The following CMC1 variants were observed in gnomAD, a reference collection of about 807,000 sequenced individuals.
CMC1 encodes COX assembly mitochondrial protein homolog.
In CMC1, 14 loss-of-function variants were observed where a neutral mutation model predicts 14.1. That is an observed-to-expected ratio of 0.99 (90% confidence interval 0.66 to 1.55). The LOEUF is 1.55. CMC1 is among the 40% of genes most tolerant of loss of function. The pLI, the probability that CMC1 is intolerant of heterozygous loss-of-function variation, is 0.00. For missense variants in CMC1, 127 were observed against 123.8 expected, an observed-to-expected ratio of 1.03 and a Z score of -0.12; for synonymous variants, 50 against 38.4, an observed-to-expected ratio of 1.30 and a Z score of -1.12.
intron 2 of CMC1, among the ~76,000 whole-genome samples, chr3:28,313,581 A>G (rs1294778846): frequency 6.6e-6 from 1 of 152,240 alleles, no homozygotes; most frequent in African/African-American, 2.4e-5. Context: ...AATGAAAGAA[A>G]GGTCCTCATT....
intron 1 of CMC1, among the ~76,000 whole-genome samples, chr3:28,248,981 G>T (rs971393530): frequency 6.6e-6 from 1 of 152,072 alleles, no homozygotes; most frequent in Admixed American, 6.6e-5. Flanking sequence ...TAGTAGAGAT[G>T]GGGTTTCACT....
Position 28,324,177 on chromosome 3 carries a change from G to A in CMC1, c.*4548G>A, listed in dbSNP as rs1703292694. The A allele has an allele frequency of 6.2e-7, 1 of 1,610,726 alleles. No individual in the cohort carries two copies. Among genetic ancestry groups the A allele is most frequent in the South Asian group, 1.1e-5 (1 of 90,998 alleles). On this transcript the variant is annotated 3_prime_UTR_variant, in exon 4 of 4. Coordinates refer to ENST00000466830, the MANE Select transcript of CMC1 (RefSeq NM_182523.2). ...ATTTAGGAGGACTTGGAAATACCCA[G>A]GAATTGTCTTCCAGAGAATTTCTGC...
Position 28,253,693 on chromosome 3 carries a change from C to T in CMC1, c.20-9598C>T, listed in dbSNP as rs903157657. On this transcript the variant is annotated intron_variant, in intron 1 of 3. Transcript: ENST00000466830. ...ACTATTGCTAATGAGAACACTGTTGCAAGTTTATTACAAGCATTTTTCATG... is the reference window on the plus strand; with the variant it reads ...ACTATTGCTAATGAGAACACTGTTGTAAGTTTATTACAAGCATTTTTCATG... The T allele has an allele frequency of 7.5e-6, 9 of 1,194,754 alleles. No individual in the cohort carries two copies. The African/African-American group carries it at 1.3e-4, about 17-fold the overall frequency. The allele number at this position is 1,194,754 out of a possible 1,614,324, so 74.0% of individuals were successfully genotyped here.
At chr3:28,261,879 A>C (rs917376209) in intron 1 of CMC1, among the ~76,000 whole-genome samples, 1 of 152,060 alleles carries the variant, frequency 6.6e-6, no homozygotes, top group Non-Finnish European at 1.5e-5. Flanking sequence ...AAAATATTGT[A>C]TTTTCAATCT....
intron 1 of CMC1, among the ~76,000 whole-genome samples, chr3:28,260,580 G>A (rs1198063331): frequency 4.0e-5 from 6 of 150,474 alleles, no homozygotes; most frequent in Non-Finnish European, 8.9e-5. Context: ...TATTTGTGTG[G>A]TATTCTTTAT....
chr3:28,310,230 A>G (rs773509376), intron 2 of CMC1, among the ~76,000 whole-genome samples: 2 of 152,078 alleles, frequency 1.3e-5, no homozygotes, highest in East Asian at 1.9e-4. Flanking sequence ...GCAGGTATCA[A>G]CTCAACTGTT....
chr3:28,319,268 C>T, intron 3 of CMC1: 1 of 545,194 alleles, frequency 1.8e-6, no homozygotes, highest in South Asian at 1.5e-5. Flanking sequence ...ACCGTGGGTT[C>T]CCAGGACAGG....
intron 2 of CMC1, among the ~76,000 whole-genome samples, chr3:28,283,621 G>A (rs1169029861): frequency 6.6e-6 from 1 of 151,442 alleles, no homozygotes; most frequent in Non-Finnish European, 1.5e-5. Flanking sequence ...TGCTTTTATA[G>A]TTGTCTTTTT....
intron 2 of CMC1, among the ~76,000 whole-genome samples, chr3:28,264,576 A>G (rs971946014): frequency 2.0e-5 from 3 of 151,916 alleles, no homozygotes; most frequent in African/African-American, 4.8e-5. Context: ...TTTAACACCT[A>G]CCCCCAGATG....
chr3:28,290,386 T>C (rs1274971173), intron 2 of CMC1, among the ~76,000 whole-genome samples: 1 of 152,142 alleles, frequency 6.6e-6, no homozygotes, highest in Non-Finnish European at 1.5e-5. Flanking sequence ...GGATATAATA[T>C]TGTCAGGTCG....
At chr3:28,270,528 C>T (rs899998779) in intron 2 of CMC1, among the ~76,000 whole-genome samples, 1 of 152,002 alleles carries the variant, frequency 6.6e-6, no homozygotes, top group Non-Finnish European at 1.5e-5. Context: ...AGCTTTTTTT[C>T]ATGTTTGTTG....
chr3:28,244,534 C>T (rs1381742413), intron 1 of CMC1, among the ~76,000 whole-genome samples: 1 of 152,024 alleles, frequency 6.6e-6, no homozygotes, highest in Non-Finnish European at 1.5e-5. Context: ...TTGAGACCAC[C>T]CTGGGCAACA....
rs921706235 is a variant in CMC1 at position 28,322,533 on chromosome 3, G to A, written c.*2904G>A. 1 of 151,570 alleles carries A rather than the reference G, an allele frequency of 6.6e-6. No homozygotes were observed. The highest frequency in any genetic ancestry group is 1.5e-5 in the Non-Finnish European group (1 of 67,366). The allele number at this position is 151,570 out of a possible 1,614,324, so 9.4% of individuals were successfully genotyped here. A position where few individuals can be genotyped will look rare whatever the true frequency, so the allele number is the denominator to read the frequency against. ...AGATCAGATATAATATACAGCCTATGCAGCCACATGAGAAATAGTTTTTGC... is the reference window on the plus strand; with the variant it reads ...AGATCAGATATAATATACAGCCTATACAGCCACATGAGAAATAGTTTTTGC... On this transcript the variant is annotated 3_prime_UTR_variant, in exon 4 of 4. Coordinates refer to ENST00000466830, the MANE Select transcript of CMC1 (RefSeq NM_182523.2).
At chr3:28,242,199 C>A (rs919720401) in intron 1 of CMC1, among the ~76,000 whole-genome samples, 1 of 152,212 alleles carries the variant, frequency 6.6e-6, no homozygotes, top group Non-Finnish European at 1.5e-5. Flanking sequence ...TTTGGGAGTT[C>A]ATGGACCCCG....
intron 1 of CMC1, among the ~76,000 whole-genome samples, chr3:28,242,866 A>C (rs932887060): frequency 3.3e-5 from 5 of 151,994 alleles, no homozygotes; most frequent in African/African-American, 7.2e-5. Context: ...GCTTTGAGGG[A>C]TGGAATTTCC....
At chr3:28,244,344 A>G (rs183904742) in intron 1 of CMC1, among the ~76,000 whole-genome samples, 1 of 152,316 alleles carries the variant, frequency 6.6e-6, no homozygotes, top group Admixed American at 6.5e-5. Flanking sequence ...TCTTAGCCCA[A>G]GATGGTAATA....
chr3:28,252,030 T>C (rs1017110099), intron 1 of CMC1, among the ~76,000 whole-genome samples: 1 of 152,242 alleles, frequency 6.6e-6, no homozygotes, highest in African/African-American at 2.4e-5. Context: ...TAAGAAATTA[T>C]GGCCACAATG....
chr3:28,283,914 C>G (rs536696087), intron 2 of CMC1, among the ~76,000 whole-genome samples: 1 of 152,096 alleles, frequency 6.6e-6, no homozygotes, highest in Non-Finnish European at 1.5e-5. Context: ...TTCATTGAAT[C>G]CTAGATTGTG....
In CMC1 at chr3:28,319,652, G is replaced by T. The variant is rs1339005488; in HGVS notation, c.*23G>T. 6.3e-7 allele frequency: 1 copy of T among 1,580,434 alleles called. No homozygotes were observed. The highest frequency in any genetic ancestry group is 1.4e-5 in the African/African-American group (1 of 72,860). On this transcript the variant is annotated 3_prime_UTR_variant, in exon 4 of 4. Coordinates refer to ENST00000466830, the MANE Select transcript of CMC1 (RefSeq NM_182523.2). ...TAGGCAGATACTCAAATGACATTCA[G>T]GAACTCTAATATTCATGGAAGTCAT...
Sources: gnomAD v4.1 joint callset for allele counts (sites outside exome capture counted in the v4.1 genomes callset) on GRCh38, gnomAD v4.1.1 for gene constraint, MANE v1.5 for transcripts, NCBI Gene and HGNC (gene_info 2026-07-23, HGNC 2026-07-21) for gene names.